SLC7A14: variants seen among roughly 807,000 people sequenced by gnomAD.
The protein encoded by SLC7A14 is solute carrier family 7 member 14, also known as gamma-aminobutyric acid transporter SLC7A14.
Under a neutral mutation model 60.2 loss-of-function variants are expected in SLC7A14, and 37 were observed. The ratio of observed to expected loss-of-function variants is 0.61; its 90% CI spans 0.47 to 0.81. The LOEUF (loss-of-function observed/expected upper bound fraction) is 0.81, where lower values mean the gene tolerates loss of function less well. Ranked by LOEUF, SLC7A14 falls within the 30% of genes least tolerant of loss-of-function variation. SLC7A14 has a pLI of 0.00. For missense variants in SLC7A14, 886 were observed against 982.7 expected (o/e 0.90, Z 1.32); for synonymous variants, 399 against 395.8 (o/e 1.01, Z -0.10).
chr3:170,568,849 T>G (rs1315728763), intron 1 of SLC7A14, among the ~76,000 whole-genome samples: 1 of 152,204 alleles, frequency 6.6e-6, no homozygotes, highest in East Asian at 1.9e-4. Context: ...GTGATTTTTG[T>G]ACATTGATTT....
chr3:170,496,062 G>A, intron 4 of SLC7A14: 1 of 1,260,672 alleles, frequency 7.9e-7, no homozygotes, highest in Non-Finnish European at 1.2e-6. Flanking sequence ...GGCAGAGCTG[G>A]AGTCTCGCCT....
At chr3:170,494,540 A>G (rs1712321478) in intron 4 of SLC7A14, among the ~76,000 whole-genome samples, 1 of 152,254 alleles carries the variant, frequency 6.6e-6, no homozygotes, top group African/African-American at 2.4e-5. Flanking sequence ...GGCAACGCTA[A>G]AATGTGCCTC....
At chr3:170,515,629 T>TG (rs138660849) in intron 2 of SLC7A14, among the ~76,000 whole-genome samples, 17,147 of 149,878 alleles carry the variant, frequency 0.11, 1,172 homozygotes, top group Admixed American at 0.19. Context: ...TGTGTTGGGG[T>TG]GGGGGGGGAG....
At chr3:170,481,337 C>T (rs1415773741) in intron 6 of SLC7A14, among the ~76,000 whole-genome samples, 171 bp from the exon 7 acceptor site, 2 of 152,054 alleles carry the variant, frequency 1.3e-5, no homozygotes, top group African/African-American at 4.8e-5. Context: ...GCTATTCCTA[C>T]CCCAGGATTT....
chr3:170,572,993 C>A (rs1023745511), intron 1 of SLC7A14, among the ~76,000 whole-genome samples: 3 of 152,134 alleles, frequency 2.0e-5, no homozygotes, highest in Non-Finnish European at 2.9e-5. Context: ...TTAAAAAAAA[C>A]CTCTTGGGAG....
chr3:170,483,383 C>A lies in SLC7A14; in HGVS notation c.1046G>T (p.Ser349Ile), dbSNP rs763192459. 6.2e-7 allele frequency: 1 copy of A among 1,614,216 alleles called. No homozygotes were observed. The highest frequency in any genetic ancestry group is 8.5e-7 in the Non-Finnish European group (1 of 1,180,046). The change falls in exon 6 of 8, where the codon AGC becomes ATC. Residue 349 changes from serine to isoleucine, a missense_variant. Physicochemically the swap from Ser to Ile is moderately radical, Grantham distance 142. Coordinates refer to ENST00000231706, the MANE Select transcript of SLC7A14 (RefSeq NM_020949.3). ...CATCGGGAAGAGGGACCCCAGCAAG[C>A]TGACTGTCAGTCCTGCAACCGACCC... ...AIGSVAGLTV[S>I]LLGSLFPMPR... is the part of the protein sequence containing the mutation.
chr3:170,512,569 C>A (rs1431624046), intron 2 of SLC7A14, among the ~76,000 whole-genome samples: 2 of 151,672 alleles, frequency 1.3e-5, no homozygotes, highest in Non-Finnish European at 2.9e-5. Context: ...TACCTCCTTC[C>A]TTCTCCTCTC....
chr3:170,485,807 G>A (rs942336229), intron 5 of SLC7A14, among the ~76,000 whole-genome samples: 2 of 152,148 alleles, frequency 1.3e-5, no homozygotes, highest in African/African-American at 2.4e-5. Context: ...AGGGAGCCTC[G>A]CCTCTTTGCT....
At chr3:170,483,628 A>T (rs1214299522) in intron 5 of SLC7A14, 106 bp from the exon 6 acceptor site, 3 of 1,236,402 alleles carry the variant, frequency 2.4e-6, no homozygotes, top group African/African-American at 3.0e-5. Flanking sequence ...AGAGGCTTGC[A>T]TGGCAGTTTG....
At chr3:170,559,613 T>A (rs1003052309) in intron 1 of SLC7A14, among the ~76,000 whole-genome samples, 2 of 152,248 alleles carry the variant, frequency 1.3e-5, no homozygotes, top group African/African-American at 4.8e-5. Flanking sequence ...TGTTGATTAA[T>A]CCATGTTCTA....
At chr3:170,552,132 G>C (rs1423616229) in intron 1 of SLC7A14, among the ~76,000 whole-genome samples, 2 of 152,012 alleles carry the variant, frequency 1.3e-5, no homozygotes, top group African/African-American at 4.8e-5. Flanking sequence ...TATCATGTGT[G>C]TATCTAGTGG....
intron 7 of SLC7A14, among the ~76,000 whole-genome samples, chr3:170,468,538 C>T (rs1021392400): frequency 2.0e-5 from 3 of 152,144 alleles, no homozygotes; most frequent in South Asian, 2.1e-4. Context: ...TCAAGTGATC[C>T]GCCTGCTTCC....
chr3:170,473,652 C>T (rs561789323), intron 7 of SLC7A14, among the ~76,000 whole-genome samples: 1 of 152,072 alleles, frequency 6.6e-6, no homozygotes, highest in South Asian at 2.1e-4. Context: ...AGGTATCCTT[C>T]CCACCCCCAC....
intron 1 of SLC7A14, among the ~76,000 whole-genome samples, chr3:170,543,828 C>A (rs1419103239): frequency 1.3e-5 from 2 of 149,486 alleles, no homozygotes; most frequent in Non-Finnish European, 3.0e-5. Context: ...CTGCTCACCA[C>A]AATCTCCACC....
intron 2 of SLC7A14, among the ~76,000 whole-genome samples, chr3:170,513,659 A>G (rs1328656862): frequency 6.6e-6 from 1 of 152,262 alleles, no homozygotes; most frequent in Non-Finnish European, 1.5e-5. Flanking sequence ...TGCTTTTCAC[A>G]TACATATTCA....
At chr3:170,489,308 T>C (rs569061627) in intron 4 of SLC7A14, among the ~76,000 whole-genome samples, 1 of 152,276 alleles carries the variant, frequency 6.6e-6, no homozygotes, top group African/African-American at 2.4e-5. Context: ...AAGATTTGAA[T>C]AGACATTTCT....
chr3:170,568,684 A>G (rs192295672), intron 1 of SLC7A14, among the ~76,000 whole-genome samples: 12 of 152,002 alleles, frequency 7.9e-5, no homozygotes, highest in Non-Finnish European at 1.8e-4. Flanking sequence ...CTTTTATTTC[A>G]TTGAGCAGTG....
chr3:170,576,991 A>G (rs1436164707), intron 1 of SLC7A14, among the ~76,000 whole-genome samples: 1 of 152,182 alleles, frequency 6.6e-6, no homozygotes, highest in Non-Finnish European at 1.5e-5. Context: ...AACCTTGAAG[A>G]CATTGATTTA....
chr3:170,493,657 T>G (rs1162460765), intron 4 of SLC7A14, among the ~76,000 whole-genome samples: 1 of 152,222 alleles, frequency 6.6e-6, no homozygotes, highest in African/African-American at 2.4e-5. Flanking sequence ...TGTATTACCT[T>G]GGTGTATGAC....
Sources: allele counts gnomAD v4.1 joint callset (sites outside exome capture counted in the v4.1 genomes callset), GRCh38; gene constraint gnomAD v4.1.1; transcripts MANE v1.5; gene names NCBI Gene and HGNC (gene_info 2026-07-23, HGNC 2026-07-21).